Variants in KIAA0825 observed in about 807,000 individuals in gnomAD.
KIAA0825 encodes the protein uncharacterized protein KIAA0825.
In KIAA0825, 119 loss-of-function variants were observed where a neutral mutation model predicts 147.6. The observed-to-expected ratio is 0.81, with a 90% CI of 0.69 to 0.94. KIAA0825 has a LOEUF of 0.94. Among genes scored for constraint, KIAA0825 ranks in the 40% least tolerant of loss-of-function variants. The probability of loss-of-function intolerance (pLI) is 0.00; values close to 1 mark genes in which losing one functional copy is unlikely to be tolerated. For synonymous variants in KIAA0825, 470 were observed against 518.1 expected, an observed-to-expected ratio of 0.91 and a Z score of 1.26; for missense variants, 1,381 against 1,472.7, an observed-to-expected ratio of 0.94 and a Z score of 1.02.
intron 20 of KIAA0825, among the ~76,000 whole-genome samples, chr5:94,248,975 A>C (rs1189076940): frequency 6.6e-6 from 1 of 152,138 alleles, no homozygotes. Context: ...GGTCACACAG[A>C]TTTGGTGCTA....
intron 20 of KIAA0825, among the ~76,000 whole-genome samples, chr5:94,290,063 A>C (rs1777820035): frequency 1.3e-5 from 2 of 152,116 alleles, no homozygotes; most frequent in Non-Finnish European, 2.9e-5. Context: ...AAAATGAACA[A>C]ATTTAATTGA....
intron 20 of KIAA0825, among the ~76,000 whole-genome samples, chr5:94,370,334 A>G (rs1221357209): frequency 6.6e-6 from 1 of 152,178 alleles, no homozygotes; most frequent in Non-Finnish European, 1.5e-5. Flanking sequence ...AACTCTCTGT[A>G]TTTCAACTGT....
intron 5 of KIAA0825, among the ~76,000 whole-genome samples, chr5:94,499,537 T>C (rs1004659750): frequency 2.8e-5 from 4 of 143,752 alleles, no homozygotes; most frequent in African/African-American, 1.0e-4. Flanking sequence ...ACTGCTTGTC[T>C]GTGTAACTTC....
intron 20 of KIAA0825, among the ~76,000 whole-genome samples, chr5:94,188,300 GA>G (rs1333444107): frequency 6.6e-6 from 1 of 152,160 alleles, no homozygotes; most frequent in Non-Finnish European, 1.5e-5. Flanking sequence ...TTGATACTTT[GA>G]GGCATTTATT....
intron 20 of KIAA0825, among the ~76,000 whole-genome samples, chr5:94,313,626 T>G (rs2150214675): frequency 6.6e-6 from 1 of 151,578 alleles, no homozygotes; most frequent in South Asian, 2.1e-4. Flanking sequence ...TCTTTTTTTT[T>G]TTTTGTATCT....
At chr5:94,524,177 T>C in intron 3 of KIAA0825, 79 bp from the exon 4 acceptor site, 1 of 817,040 alleles carries the variant, frequency 1.2e-6, no homozygotes, top group East Asian at 2.7e-5. Flanking sequence ...GGCCCTGAAA[T>C]CTTCATATGT....
intron 1 of KIAA0825, among the ~76,000 whole-genome samples, chr5:94,613,432 C>A (rs1214097032): frequency 2.0e-5 from 3 of 152,164 alleles, no homozygotes; most frequent in African/African-American, 7.2e-5. Context: ...CTCCTTGTCT[C>A]AAGAGATCCG....
intron 20 of KIAA0825, among the ~76,000 whole-genome samples, chr5:94,165,646 T>C (rs372222093): frequency 6.6e-6 from 1 of 152,164 alleles, no homozygotes; most frequent in African/African-American, 2.4e-5. Flanking sequence ...GTGGTACATA[T>C]ACACAATGGA....
intron 13 of KIAA0825, among the ~76,000 whole-genome samples, chr5:94,451,522 G>A (rs936095766): frequency 2.0e-5 from 3 of 152,174 alleles, no homozygotes; most frequent in African/African-American, 7.2e-5. Flanking sequence ...TCGTCCCCAT[G>A]TTCTAGTCTT....
intron 5 of KIAA0825, among the ~76,000 whole-genome samples, chr5:94,498,720 G>T (rs1462375879): frequency 2.0e-5 from 3 of 152,142 alleles, no homozygotes; most frequent in Non-Finnish European, 4.4e-5. Context: ...GCTCCTATGC[G>T]CCAGTCACAG....
At chr5:94,489,712 C>G (rs1285420326) in intron 5 of KIAA0825, among the ~76,000 whole-genome samples, 1 of 151,562 alleles carries the variant, frequency 6.6e-6, no homozygotes, top group African/African-American at 2.4e-5. Context: ...ATGGCGAAAC[C>G]CTGTCTCTAC....
At chr5:94,525,560 G>C (rs1584776826) in intron 3 of KIAA0825, among the ~76,000 whole-genome samples, 1 of 151,938 alleles carries the variant, frequency 6.6e-6, no homozygotes, top group South Asian at 2.1e-4. Context: ...AGATTGGCTT[G>C]TATTTTCTTA....
intron 5 of KIAA0825, among the ~76,000 whole-genome samples, chr5:94,493,634 A>G (rs1257187497): frequency 2.0e-5 from 3 of 152,054 alleles, no homozygotes; most frequent in East Asian, 1.9e-4. Flanking sequence ...GACTACAGGC[A>G]TCTGCCACCA....
At chr5:94,272,396 C>T (rs1583997193) in intron 20 of KIAA0825, among the ~76,000 whole-genome samples, 1 of 151,736 alleles carries the variant, frequency 6.6e-6, no homozygotes, top group Non-Finnish European at 1.5e-5. Flanking sequence ...TGATGGATAC[C>T]CCATTTACCC....
chr5:94,534,156 T>C (rs1771499842), intron 3 of KIAA0825, among the ~76,000 whole-genome samples: 1 of 152,220 alleles, frequency 6.6e-6, no homozygotes, highest in Non-Finnish European at 1.5e-5. Flanking sequence ...ACTTATTCAA[T>C]GTACACTACT....
At chr5:94,564,719 G>A (rs1475484355) in intron 2 of KIAA0825, among the ~76,000 whole-genome samples, 1 of 152,008 alleles carries the variant, frequency 6.6e-6, no homozygotes, top group Non-Finnish European at 1.5e-5. Flanking sequence ...CTTGTTACAA[G>A]AGTAGGTTAG....
chr5:94,376,188 C>G (rs1747543914), intron 20 of KIAA0825, among the ~76,000 whole-genome samples: 1 of 152,098 alleles, frequency 6.6e-6, no homozygotes, highest in Admixed American at 6.5e-5. Context: ...TGTTTGCTGT[C>G]TTTATTATCA....
chr5:94,588,382 T>C (rs1485625075), intron 1 of KIAA0825, among the ~76,000 whole-genome samples: 1 of 152,206 alleles, frequency 6.6e-6, no homozygotes, highest in Non-Finnish European at 1.5e-5. Flanking sequence ...GCAAAGGATA[T>C]GAACAGACAC....
intron 20 of KIAA0825, among the ~76,000 whole-genome samples, chr5:94,274,112 CAG>C (rs1777109664): frequency 6.6e-6 from 1 of 152,058 alleles, no homozygotes; most frequent in South Asian, 2.1e-4. Flanking sequence ...TATGAGGACT[CAG>C]AATCTCTATG....
Sources: gnomAD v4.1 joint callset for allele counts (sites outside exome capture counted in the v4.1 genomes callset) on GRCh38, gnomAD v4.1.1 for gene constraint, MANE v1.5 for transcripts, NCBI Gene and HGNC (gene_info 2026-07-23, HGNC 2026-07-21) for gene names.